Variants in CFAP299 observed in about 807,000 individuals in gnomAD.
CFAP299 encodes the protein cilia and flagella associated protein 299.
A neutral mutation model predicts 27.0 loss-of-function variants in CFAP299; 21 were observed. The ratio of observed to expected loss-of-function variants is 0.78; its 90% confidence interval spans 0.55 to 1.12. The LOEUF (loss-of-function observed/expected upper bound fraction) is 1.12, where lower values mean the gene tolerates loss of function less well. CFAP299 is among the 50% of genes most tolerant of loss of function. The pLI, the probability that CFAP299 is intolerant of heterozygous loss-of-function variation, is 0.00. For missense variants in CFAP299, 310 were observed against 276.6 expected, an observed-to-expected ratio of 1.12 and a Z score of -0.86; for synonymous variants, 104 against 98.1, an observed-to-expected ratio of 1.06 and a Z score of -0.36.
At chr4:80,487,212 A>G (rs1730863277) in intron 2 of CFAP299, among the ~76,000 whole-genome samples, 1 of 152,372 alleles carries the variant, frequency 6.6e-6, no homozygotes, top group Non-Finnish European at 1.5e-5. Flanking sequence ...ATTTCTAATG[A>G]GAACTCCCCT....
intron 2 of CFAP299, among the ~76,000 whole-genome samples, chr4:80,563,937 G>C (rs920768824): frequency 1.3e-5 from 2 of 152,026 alleles, no homozygotes; most frequent in African/African-American, 4.8e-5. Flanking sequence ...GGAAAATCTA[G>C]AAGTGGACAA....
intron 2 of CFAP299, among the ~76,000 whole-genome samples, chr4:80,570,273 T>C (rs149925999): frequency 5.9e-4 from 90 of 152,140 alleles, no homozygotes; most frequent in African/African-American, 2.1e-3. Context: ...CAATGAATAA[T>C]TTTGATATAT....
At chr4:80,688,209 G>A (rs1306392455) in intron 3 of CFAP299, among the ~76,000 whole-genome samples, 1 of 152,238 alleles carries the variant, frequency 6.6e-6, no homozygotes, top group Admixed American at 6.5e-5. Context: ...AGGCCTGCCT[G>A]CCTCTGTAGG....
At position 80,855,702 on chromosome 4, in the gene CFAP299, C is replaced by T. The variant is rs1454073353; in HGVS notation, c.334-14291C>T. 1.1e-4 allele frequency among the ~76,000 whole-genome samples: 17 copies of T among 152,262 alleles called. 1 individual carries two copies. The highest frequency in any genetic ancestry group is 3.9e-4 in the African/African-American group (16 of 41,542). On this transcript the variant is annotated intron_variant, in intron 3 of 5. Coordinates refer to ENST00000358105, the MANE Select transcript of CFAP299 (RefSeq NM_152770.3). Reference sequence around the variant, plus strand: ...ATAGTTTACTGAGAATGATGATTTCCAATTTCATCTATGTCCCTACAAAGG... The same window carrying T: ...ATAGTTTACTGAGAATGATGATTTCTAATTTCATCTATGTCCCTACAAAGG...
intron 4 of CFAP299, among the ~76,000 whole-genome samples, chr4:80,919,854 C>T (rs1578238798): frequency 6.6e-6 from 1 of 152,078 alleles, no homozygotes; most frequent in African/African-American, 2.4e-5. Flanking sequence ...CAGATACATA[C>T]CTCACATCAT....
At chr4:80,324,735 A>C in the CFAP299 span, among the ~76,000 whole-genome samples, 1 of 152,230 alleles carries the variant, frequency 6.6e-6, no homozygotes, top group Non-Finnish European at 1.5e-5. Flanking sequence ...CTTTTTTAAC[A>C]AAAGTGCTGG....
chr4:80,900,125 T>TGTGTGC (rs1734814403), intron 4 of CFAP299, among the ~76,000 whole-genome samples: 2 of 137,878 alleles, frequency 1.5e-5, no homozygotes, highest in East Asian at 4.1e-4. Context: ...TGGAAGAAAG[T>TGTGTGC]GTGTGTGTGT....
intron 3 of CFAP299, among the ~76,000 whole-genome samples, chr4:80,699,026 C>G (rs1721295924): frequency 6.6e-6 from 1 of 152,046 alleles, no homozygotes; most frequent in Non-Finnish European, 1.5e-5. Flanking sequence ...GAAAAATTAC[C>G]AAGTGTTTAA....
At chr4:80,731,787 A>G (rs1723537204) in intron 3 of CFAP299, among the ~76,000 whole-genome samples, 1 of 152,244 alleles carries the variant, frequency 6.6e-6, no homozygotes, top group Admixed American at 6.5e-5. Flanking sequence ...GGTTTTTCTC[A>G]TAATGTCATG....
chr4:80,907,260 C>A (rs1735228992), intron 4 of CFAP299, among the ~76,000 whole-genome samples: 1 of 152,178 alleles, frequency 6.6e-6, no homozygotes, highest in South Asian at 2.1e-4. Context: ...TTGTCCATAT[C>A]ACTATCAGCA....
chr4:80,340,832 A>G (rs1350216077), intron 1 of CFAP299, among the ~76,000 whole-genome samples: 1 of 151,694 alleles, frequency 6.6e-6, no homozygotes, highest in Non-Finnish European at 1.5e-5. Context: ...CTGGAGTGCA[A>G]TGGTGCGATC....
chr4:80,688,452 C>A lies in CFAP299; in HGVS notation c.333+105269C>A, dbSNP rs200266059. ...CACACTGACACCTCACACAGCCGGC[C>A]GGGTACTCCAACAGACCTGCACCTG... On this transcript the variant is annotated intron_variant, in intron 3 of 5. Transcript: ENST00000358105. Among the ~76,000 whole-genome samples the A allele has an allele frequency of 9.8e-4, 149 of 152,010 alleles. 2 individuals are homozygous for A. The East Asian group carries it at 0.026, about 27-fold the overall frequency.
At chr4:80,378,212 TAA>T (rs1001247035) in intron 2 of CFAP299, among the ~76,000 whole-genome samples, 2 of 152,210 alleles carry the variant, frequency 1.3e-5, no homozygotes, top group African/African-American at 2.4e-5. Flanking sequence ...CTAGAATTTT[TAA>T]AAGTCACTTT....
intron 2 of CFAP299, among the ~76,000 whole-genome samples, chr4:80,374,535 T>C (rs1200251827): frequency 6.6e-6 from 1 of 152,184 alleles, no homozygotes; most frequent in Non-Finnish European, 1.5e-5. Context: ...TCAGAAGATT[T>C]AGAGATCTGG....
At chr4:80,577,816 A>C (rs535004664) in intron 2 of CFAP299, among the ~76,000 whole-genome samples, 75 of 152,318 alleles carry the variant, frequency 4.9e-4, no homozygotes, top group Admixed American at 1.5e-3. Flanking sequence ...TTTATTTAAA[A>C]AATAAACTCT....
At chr4:80,770,720 A>C (rs1326256450) in intron 3 of CFAP299, among the ~76,000 whole-genome samples, 1 of 152,180 alleles carries the variant, frequency 6.6e-6, no homozygotes, top group African/African-American at 2.4e-5. Context: ...CTCATTTGGA[A>C]TCATAACTAA....
chr4:80,543,260 A>G (rs1734085542), intron 2 of CFAP299, among the ~76,000 whole-genome samples: 1 of 152,212 alleles, frequency 6.6e-6, no homozygotes, highest in Non-Finnish European at 1.5e-5. Context: ...CATAGGTGAG[A>G]AAGAACTAGT....
chr4:80,827,641 T>TA (rs1730057986), intron 3 of CFAP299, among the ~76,000 whole-genome samples: 1 of 151,902 alleles, frequency 6.6e-6, no homozygotes. Flanking sequence ...AGATCAGGAA[T>TA]AAATTATAGA....
In CFAP299 at chr4:80,452,772, A is replaced by T. The variant is rs570292338; in HGVS notation, c.242+89888A>T. 4.6e-5 allele frequency among the ~76,000 whole-genome samples: 7 copies of T among 152,344 alleles called. No homozygotes were observed. The South Asian group carries it at 1.5e-3, about 32-fold the overall frequency. On this transcript the variant is annotated intron_variant, in intron 2 of 5. Coordinates refer to ENST00000358105, the MANE Select transcript of CFAP299 (RefSeq NM_152770.3). ...AGATTATGGGATTTGTTTGAAGGAT[A>T]TGATACATTTCCCCAAATGAAAACA... is the stretch of plus-strand genomic sequence containing the variant.
Sources: allele counts gnomAD v4.1 joint callset (sites outside exome capture counted in the v4.1 genomes callset), GRCh38; gene constraint gnomAD v4.1.1; transcripts MANE v1.5; gene names NCBI Gene and HGNC (gene_info 2026-07-23, HGNC 2026-07-21).